The following SIDT1 variants were observed in gnomAD, a reference collection of about 807,000 sequenced individuals.
The protein encoded by SIDT1 is SID1 transmembrane family, member 1.
Under a neutral mutation model 107.5 loss-of-function variants are expected in SIDT1, and 101 were observed. The observed-to-expected ratio is 0.94, with a 90% CI of 0.80 to 1.11. The LOEUF (loss-of-function observed/expected upper bound fraction) is 1.11, where lower values mean the gene tolerates loss of function less well. Among genes scored for constraint, SIDT1 ranks in the 50% least tolerant of loss-of-function variants. The pLI, the probability that SIDT1 is intolerant of heterozygous loss-of-function variation, is 0.00. For synonymous variants in SIDT1, 395 were observed against 398.2 expected, an observed-to-expected ratio of 0.99 and a Z score of 0.10; for missense variants, 1,076 against 1,058.2, an observed-to-expected ratio of 1.02 and a Z score of -0.23.
intron 1 of SIDT1, among the ~76,000 whole-genome samples, chr3:113,538,709 GA>G (rs1233584424): frequency 6.6e-6 from 1 of 152,178 alleles, no homozygotes; most frequent in Non-Finnish European, 1.5e-5. Context: ...AGTACTGTAA[GA>G]TTTAAGAGAG....
chr3:113,626,207 T>C lies in SIDT1; in HGVS notation c.2413T>C (p.Ser805Pro). The C allele has an allele frequency of 6.2e-7, 1 of 1,607,822 alleles. No homozygotes were observed. The highest frequency in any genetic ancestry group is 1.3e-5 in the African/African-American group (1 of 74,928). ...CCTCTCTGCTACTGCTCTGTTTTTCTCATTCTTGGTGAGTTCATATCTATC... is the reference window on the plus strand; with the variant it reads ...CCTCTCTGCTACTGCTCTGTTTTTCCCATTCTTGGTGAGTTCATATCTATC... ...HFLSATALFFSFLVLLTLDDD... is the reference protein window; with the variant it reads ...HFLSATALFFPFLVLLTLDDD... The change falls in exon 24 of 25, where the codon TCA becomes CCA. Residue 805 changes from serine to proline, a missense_variant. By Grantham distance (74) the Ser-to-Pro change is moderately conservative. Transcript: ENST00000264852.
At chr3:113,621,442 A>C (rs990198908) in intron 21 of SIDT1, among the ~76,000 whole-genome samples, 2 of 151,944 alleles carry the variant, frequency 1.3e-5, no homozygotes, top group Non-Finnish European at 2.9e-5. Flanking sequence ...CTCTCTCAAA[A>C]AAAAAGAAAA....
chr3:113,603,093 G>C lies in SIDT1; in HGVS notation c.1206G>C (p.Glu402Asp). The C allele has an allele frequency of 3.7e-6, 6 of 1,614,148 alleles. No individual in the cohort carries two copies. Among genetic ancestry groups the C allele is most frequent in the Non-Finnish European group, 5.1e-6 (6 of 1,180,000 alleles). Residue 402 changes from glutamate to aspartate, a missense_variant, in exon 12 of 25, where the codon GAG (glutamate) becomes GAC (aspartate). Coordinates refer to ENST00000264852, the MANE Select transcript of SIDT1 (RefSeq NM_017699.3). ...CAGACACAGACAGCTCCGTGGAGGA[G>C]AGCGACTTCGACACCATGCCAGACA... Reference protein sequence around the residue: ...GQSDTDSSVEESDFDTMPDIE... With the variant: ...GQSDTDSSVEDSDFDTMPDIE...
chr3:113,617,953 T>G (rs1234888757), intron 20 of SIDT1, among the ~76,000 whole-genome samples: 1 of 152,218 alleles, frequency 6.6e-6, no homozygotes, highest in Admixed American at 6.5e-5. Context: ...ATGTAAAGTT[T>G]ACGTTACATT....
chr3:113,595,450 T>C (rs1944475420), intron 10 of SIDT1, among the ~76,000 whole-genome samples: 1 of 152,014 alleles, frequency 6.6e-6, no homozygotes, highest in African/African-American at 2.4e-5. Context: ...CGTGGTGGTG[T>C]GCACCTGTGC....
chr3:113,553,500 G>A (rs1940503919), intron 1 of SIDT1, among the ~76,000 whole-genome samples: 1 of 152,072 alleles, frequency 6.6e-6, no homozygotes, highest in African/African-American at 2.4e-5. Flanking sequence ...ATAAAATCCA[G>A]GGCATAGATA....
intron 1 of SIDT1, among the ~76,000 whole-genome samples, chr3:113,560,667 G>A (rs1265725684): frequency 5.9e-5 from 9 of 152,096 alleles, no homozygotes; most frequent in South Asian, 2.1e-4. Context: ...AAGATCATAC[G>A]GGAAAACAGT....
intron 9 of SIDT1, among the ~76,000 whole-genome samples, chr3:113,586,681 C>T (rs550999118): frequency 6.6e-6 from 1 of 152,150 alleles, no homozygotes; most frequent in East Asian, 1.9e-4. Flanking sequence ...AACATATTGA[C>T]CGGGTGATCA....
At chr3:113,623,775 C>T (rs780532768) in intron 23 of SIDT1, 42 bp downstream of exon 23, 1 of 1,410,720 alleles carries the variant, frequency 7.1e-7, no homozygotes, top group South Asian at 1.1e-5. Flanking sequence ...CCTCTCTCTC[C>T]AACTTGCCAT....
At chr3:113,577,028 G>A in intron 4 of SIDT1, 61 bp downstream of exon 4, 2 of 1,489,552 alleles carry the variant, frequency 1.3e-6, no homozygotes, top group Non-Finnish European at 1.9e-6. Context: ...CTGCCTGTTA[G>A]TGAAACCATG....
downstream of SIDT1, among the ~76,000 whole-genome samples, chr3:113,629,747 C>T (rs886125731): frequency 2.0e-5 from 3 of 152,004 alleles, no homozygotes; most frequent in African/African-American, 4.8e-5. Flanking sequence ...AAGATGTGAG[C>T]GGAAATGGGG....
chr3:113,572,426 A>T (rs770698960), intron 3 of SIDT1, among the ~76,000 whole-genome samples: 2 of 152,226 alleles, frequency 1.3e-5, no homozygotes, highest in Non-Finnish European at 2.9e-5. Flanking sequence ...GCAGTGCCCA[A>T]CTTTGATCTT....
At chr3:113,582,433 A>AGATT (rs1434228315) in intron 6 of SIDT1, among the ~76,000 whole-genome samples, 1 of 152,244 alleles carries the variant, frequency 6.6e-6, no homozygotes, top group Admixed American at 6.5e-5. Flanking sequence ...CAAAGGCTTC[A>AGATT]GATTTGATAT....
intron 23 of SIDT1, among the ~76,000 whole-genome samples, chr3:113,624,190 C>CCA (rs1946683531): frequency 6.6e-6 from 1 of 152,184 alleles, no homozygotes; most frequent in Non-Finnish European, 1.5e-5. Flanking sequence ...AGAACAGTTA[C>CCA]CACAATAGAT....
Position 113,608,143 on chromosome 3 carries a change from C to A in SIDT1, c.1528C>A (p.Leu510Ile). The A allele has an allele frequency of 6.2e-7, 1 of 1,612,800 alleles. No individual in the cohort carries two copies. The highest frequency in any genetic ancestry group is 8.5e-7 in the Non-Finnish European group (1 of 1,179,460). ...SNLGHVLLGF[L>I]FLLIVLRRDI... ...TCTGGGCCACGTGCTTCTGGGCTTC[C>A]TCTTCCTGCTGATAGTCTTGCGCCG... The change falls in exon 16 of 25, where the codon CTC becomes ATC. Residue 510 changes from leucine to isoleucine, a missense_variant. Coordinates refer to ENST00000264852, the MANE Select transcript of SIDT1 (RefSeq NM_017699.3).
rs927809824 is a variant in SIDT1, at chr3:113,569,123, A to G, written c.515+1413A>G. Among the ~76,000 whole-genome samples the G allele has an allele frequency of 2.3e-5, 3 of 129,954 alleles. No homozygotes were observed. In the Admixed American group the frequency reaches 2.6e-4, roughly 11 times the overall value. The allele number at this position is 129,954 out of a possible 152,430, so 85.3% of individuals were successfully genotyped here. A position where few individuals can be genotyped will look rare whatever the true frequency, so the allele number is the denominator to read the frequency against. ...CAATGCACTCCAGCCTGGGTGAAGG[A>G]GTGAGACTCCCTCTCAAAAAAAAAA... On this transcript the variant is annotated intron_variant, in intron 3 of 24. Coordinates refer to ENST00000264852, the MANE Select transcript of SIDT1 (RefSeq NM_017699.3).
rs369052957 is a variant in SIDT1, at chr3:113,567,575, G to T, written c.380G>T (p.Arg127Leu). Reference protein sequence around the residue: ...QRSYNYQEVSRTLCPSEATNE... With the variant: ...QRSYNYQEVSLTLCPSEATNE... ...AGCTACAACTATCAAGAAGTGAGCCGCACCTTATGTCCCTCAGAAGCAACC... is the reference window on the plus strand; with the variant it reads ...AGCTACAACTATCAAGAAGTGAGCCTCACCTTATGTCCCTCAGAAGCAACC... The change falls in exon 3 of 25, where the codon CGC becomes CTC. Residue 127 changes from arginine to leucine, a missense_variant. Arg to Leu is a moderately radical substitution (Grantham distance 102, BLOSUM62 -2). Coordinates refer to ENST00000264852, the MANE Select transcript of SIDT1 (RefSeq NM_017699.3). 1 of 1,613,650 alleles carries T rather than the reference G, an allele frequency of 6.2e-7. No homozygotes were observed. The highest frequency in any genetic ancestry group is 8.5e-7 in the Non-Finnish European group (1 of 1,179,780).
intron 1 of SIDT1, among the ~76,000 whole-genome samples, chr3:113,538,651 A>G (rs1938463543): frequency 1.3e-5 from 2 of 152,250 alleles, no homozygotes; most frequent in Admixed American, 6.5e-5. Flanking sequence ...AAAATTTTCA[A>G]ACACACATGT....
chr3:113,624,499 T>C (rs1403725957), intron 23 of SIDT1, among the ~76,000 whole-genome samples: 1 of 152,272 alleles, frequency 6.6e-6, no homozygotes, highest in African/African-American at 2.4e-5. Flanking sequence ...TACCTGCTCA[T>C]CAGTTGATGG....
Sources: gnomAD v4.1 joint callset for allele counts (sites outside exome capture counted in the v4.1 genomes callset) on GRCh38, gnomAD v4.1.1 for gene constraint, MANE v1.5 for transcripts, NCBI Gene and HGNC (gene_info 2026-07-23, HGNC 2026-07-21) for gene names.